Variants in ENDOD1 observed in about 807,000 individuals in gnomAD.
The protein encoded by ENDOD1 is endonuclease domain-containing 1 protein.
Under a neutral mutation model 6.5 loss-of-function variants are expected in ENDOD1, and 9 were observed. The ratio of observed to expected loss-of-function variants is 1.39; its 90% CI spans 0.84 to 2.43. The LOEUF (loss-of-function observed/expected upper bound fraction) is 2.43, where lower values mean the gene tolerates loss of function less well. ENDOD1 is among the 30% of genes most tolerant of loss of function. The pLI, the probability that ENDOD1 is intolerant of heterozygous loss-of-function variation, is 0.00. For missense variants in ENDOD1, 648 were observed against 635.5 expected (o/e 1.02, Z -0.21); for synonymous variants, 255 against 255.2 (o/e 1.00, Z 0.01).
intron 1 of ENDOD1, among the ~76,000 whole-genome samples, chr11:95,106,442 G>C (rs1555111401): frequency 6.6e-6 from 1 of 152,118 alleles, no homozygotes; most frequent in Non-Finnish European, 1.5e-5. Flanking sequence ...TTTGAGAGAA[G>C]AAGTTGGAGA....
At chr11:95,122,067 A>G (rs995255675) in intron 1 of ENDOD1, among the ~76,000 whole-genome samples, 9 of 152,202 alleles carry the variant, frequency 5.9e-5, no homozygotes, top group African/African-American at 1.9e-4. Context: ...TTAGGGAGCA[A>G]TGTTGTCAGT....
intron 1 of ENDOD1, among the ~76,000 whole-genome samples, chr11:95,093,426 A>T (rs1555110037): frequency 6.6e-6 from 1 of 152,162 alleles, no homozygotes; most frequent in Non-Finnish European, 1.5e-5. Context: ...GACTCTGCTG[A>T]GGTGTCACCT....
chr11:95,097,306 A>G (rs1340142263), intron 1 of ENDOD1, among the ~76,000 whole-genome samples: 1 of 152,200 alleles, frequency 6.6e-6, no homozygotes, highest in Non-Finnish European at 1.5e-5. Flanking sequence ...GGGTATAGAC[A>G]TGAAAGAAGT....
chr11:95,118,089 T>C (rs1243893965), intron 1 of ENDOD1, among the ~76,000 whole-genome samples: 6 of 152,224 alleles, frequency 3.9e-5, no homozygotes, highest in African/African-American at 1.4e-4. Context: ...TTTCACTTTT[T>C]ATTGTTTCTA....
chr11:95,091,971 A>G (rs1337978649), intron 1 of ENDOD1, among the ~76,000 whole-genome samples: 1 of 152,216 alleles, frequency 6.6e-6, no homozygotes, highest in Non-Finnish European at 1.5e-5. Context: ...TGTGTGACAC[A>G]TGAGTACTAA....
chr11:95,127,091 A>G (rs1859319224), intron 1 of ENDOD1, among the ~76,000 whole-genome samples: 1 of 152,136 alleles, frequency 6.6e-6, no homozygotes, highest in South Asian at 2.1e-4. Flanking sequence ...TGCTGCTATT[A>G]TAAATACTGC....
intron 1 of ENDOD1, among the ~76,000 whole-genome samples, chr11:95,091,078 C>T (rs1858926648): frequency 6.6e-6 from 1 of 152,176 alleles, no homozygotes; most frequent in Admixed American, 6.5e-5. Flanking sequence ...TGACCAAACA[C>T]TTGAGAAGCC....
chr11:95,122,589 TACACACACAC>T (rs55940348), intron 1 of ENDOD1, among the ~76,000 whole-genome samples: 15 of 142,806 alleles, frequency 1.1e-4, no homozygotes, highest in South Asian at 6.8e-4. Flanking sequence ...GCATTTAAGT[TACACACACAC>T]ACACACACAC....
At position 95,094,650 on chromosome 11, in the gene ENDOD1, C is replaced by T. The variant is rs146178154; in HGVS notation, c.300+4423C>T. 5.2e-3 allele frequency among the ~76,000 whole-genome samples: 790 copies of T among 152,318 alleles called. 8 individuals are homozygous for T. The highest frequency in any genetic ancestry group is 0.017 in the African/African-American group (726 of 41,566). On this transcript the variant is annotated intron_variant, in intron 1 of 1. Coordinates refer to ENST00000278505, the MANE Select transcript of ENDOD1 (RefSeq NM_015036.3). ...TGATTAAGTCCTTGATTTTTAATTTCCATCCATGGCTTATACAACCTGAAA... is the reference window on the plus strand; with the variant it reads ...TGATTAAGTCCTTGATTTTTAATTTTCATCCATGGCTTATACAACCTGAAA...
intron 1 of ENDOD1, among the ~76,000 whole-genome samples, chr11:95,108,504 C>CACAA (rs1418759038): frequency 2.6e-5 from 4 of 151,050 alleles, no homozygotes; most frequent in Non-Finnish European, 4.4e-5. Flanking sequence ...AACACACACA[C>CACAA]ACACACACAC....
Position 95,128,391 on chromosome 11 carries a change from C to T in ENDOD1, c.315C>T (p.Asn105=). 3 of 1,613,148 alleles carry T rather than the reference C, an allele frequency of 1.9e-6. No homozygotes were observed. Among genetic ancestry groups the T allele is most frequent in the Non-Finnish European group, 2.5e-6 (3 of 1,179,438 alleles). The part of the protein sequence containing the change: ...WLVEPQIDDP[N]SNLEEAINEA... ...TCTTCTTGCAGATCGATGACCCCAA[C>T]AGCAACCTTGAGGAGGCGATTAATG... The change falls in exon 2 of 2, where the codon AAC becomes AAT. Residue 105 remains asparagine (N), a synonymous_variant. Coordinates refer to ENST00000278505, the MANE Select transcript of ENDOD1 (RefSeq NM_015036.3).
chr11:95,128,626 C>T lies in ENDOD1; in HGVS notation c.550C>T (p.Arg184Trp), dbSNP rs202118309. The part of the protein sequence containing the change: ...WYVNLHSLMD[R>W]ALTPQCGSGE... Reference sequence around the variant, plus strand: ...TGTGAATCTCCACAGCCTAATGGACCGGGCTTTGACCCCACAGTGTGGCAG... The same window carrying T: ...TGTGAATCTCCACAGCCTAATGGACTGGGCTTTGACCCCACAGTGTGGCAG... Residue 184 changes from arginine to tryptophan, a missense_variant, in exon 2 of 2, where the codon CGG becomes TGG. Coordinates refer to ENST00000278505, the MANE Select transcript of ENDOD1 (RefSeq NM_015036.3). 1.7e-4 allele frequency: 273 copies of T among 1,614,172 alleles called. No individual in the cohort carries two copies. The highest frequency in any genetic ancestry group is 3.0e-4 in the South Asian group (27 of 91,086).
intron 1 of ENDOD1, among the ~76,000 whole-genome samples, chr11:95,096,487 G>T (rs1858987165): frequency 1.3e-5 from 2 of 151,976 alleles, no homozygotes; most frequent in Non-Finnish European, 2.9e-5. Flanking sequence ...CAGAAGTGTG[G>T]CTCAATCAAA....
intron 1 of ENDOD1, among the ~76,000 whole-genome samples, chr11:95,095,043 G>GCACACACACACACACACACA (rs56010766): frequency 7.4e-5 from 11 of 147,902 alleles, no homozygotes; most frequent in African/African-American, 2.7e-4. Context: ...GCGTGTGCAC[G>GCACACACACACACACACACA]CACACACACA....
At chr11:95,094,899 G>C (rs782314478) in intron 1 of ENDOD1, among the ~76,000 whole-genome samples, 7 of 152,236 alleles carry the variant, frequency 4.6e-5, no homozygotes, top group Non-Finnish European at 1.0e-4. Flanking sequence ...ATTAAAGGTT[G>C]TAAAAGTGTT....
At chr11:95,112,650 C>G (rs1859162500) in intron 1 of ENDOD1, among the ~76,000 whole-genome samples, 1 of 152,222 alleles carries the variant, frequency 6.6e-6, no homozygotes, top group African/African-American at 2.4e-5. Flanking sequence ...ACTGACCTAT[C>G]TGTTTCACCA....
chr11:95,101,796 G>T (rs1219195781), intron 1 of ENDOD1, among the ~76,000 whole-genome samples: 2 of 152,028 alleles, frequency 1.3e-5, no homozygotes, highest in African/African-American at 4.8e-5. Flanking sequence ...GGAGAAGAGT[G>T]TAGGGACCCC....
chr11:95,089,979 C>G lies in ENDOD1; in HGVS notation c.52C>G (p.Leu18Val). 6.5e-7 allele frequency: 1 copy of G among 1,548,098 alleles called. No individual in the cohort carries two copies. The change falls in exon 1 of 2, where the codon CTG becomes GTG. Residue 18 changes from leucine to valine, a missense_variant. Transcript: ENST00000278505. ...GGGCAGCCTCTTCGCCCTGGCTGGG[C>G]TGCTGGAAGGCCGGCTCGTGGGCGA... ...ALGSLFALAG[L>V]LEGRLVGEEE...
Position 95,116,588 on chromosome 11 carries a change from C to T in ENDOD1, c.301-11789C>T, listed in dbSNP as rs564783916. Among the ~76,000 whole-genome samples, 16 of 152,090 alleles carry T rather than the reference C, an allele frequency of 1.1e-4. No individual in the cohort carries two copies. The South Asian group carries it at 1.7e-3, about 16-fold the overall frequency. Reference sequence around the variant, plus strand: ...AAGATGCAACATTAGGCTGTTTATTCGACATTTTTCTACTTTTTCGTTGTA... The same window carrying T: ...AAGATGCAACATTAGGCTGTTTATTTGACATTTTTCTACTTTTTCGTTGTA... On this transcript the variant is annotated intron_variant, in intron 1 of 1. Coordinates refer to ENST00000278505, the MANE Select transcript of ENDOD1 (RefSeq NM_015036.3).
Sources: gnomAD v4.1 joint callset for allele counts (sites outside exome capture counted in the v4.1 genomes callset) on GRCh38, gnomAD v4.1.1 for gene constraint, MANE v1.5 for transcripts, NCBI Gene and HGNC (gene_info 2026-07-23, HGNC 2026-07-21) for gene names.